Variants in GALNT13 observed in about 807,000 individuals in gnomAD.
GALNT13 encodes the protein polypeptide N-acetylgalactosaminyltransferase 13, also known as UDP-GalNAc:polypeptide N-acetylgalactosaminyltransferase 13.
Under a neutral mutation model 64.2 loss-of-function variants are expected in GALNT13, and 28 were observed. That is an observed-to-expected ratio of 0.44 (90% confidence interval 0.32 to 0.60). The LOEUF is 0.60. GALNT13 is among the 20% of genes least tolerant of loss of function. The probability of loss-of-function intolerance (pLI) is 0.05; values close to 1 mark genes in which losing one functional copy is unlikely to be tolerated. For synonymous variants in GALNT13, 214 were observed against 224.6 expected (o/e 0.95, Z 0.42); for missense variants, 577 against 669.8 (o/e 0.86, Z 1.53).
the GALNT13 span, among the ~76,000 whole-genome samples, chr2:153,493,935 T>C: frequency 6.6e-6 from 1 of 152,124 alleles, no homozygotes; most frequent in East Asian, 1.9e-4. Context: ...TGAGGTATAA[T>C]TGGCTTACAG....
intron 9 of GALNT13, among the ~76,000 whole-genome samples, chr2:154,312,179 G>A (rs1405146020): frequency 7.0e-6 from 1 of 141,944 alleles, no homozygotes; most frequent in Non-Finnish European, 1.5e-5. Context: ...TTTAGAGATT[G>A]CAGTAAAGAC....
chr2:153,150,080 A>T, the GALNT13 span, among the ~76,000 whole-genome samples: 1 of 151,798 alleles, frequency 6.6e-6, no homozygotes, highest in East Asian at 1.9e-4. Flanking sequence ...TCTAATCAGC[A>T]TGTCTATGGA....
chr2:153,301,687 C>T, the GALNT13 span, among the ~76,000 whole-genome samples: 1 of 152,112 alleles, frequency 6.6e-6, no homozygotes, highest in Non-Finnish European at 1.5e-5. Flanking sequence ...GTACCAAGAT[C>T]TCTTCACCAC....
At position 154,234,993 on chromosome 2, in the gene GALNT13, G is replaced by A. The variant is rs1481855943; in HGVS notation, c.312-7037G>A. 2.0e-5 allele frequency among the ~76,000 whole-genome samples: 3 copies of A among 152,108 alleles called. No homozygotes were observed. In the East Asian group the frequency reaches 5.8e-4, roughly 29 times the overall value. ...GGCCGTATATTCTAATATGGGATTA[G>A]GGAAAAGTAGAGAAATTCCTTGGCT... is the stretch of plus-strand genomic sequence containing the variant. On this transcript the variant is annotated intron_variant, in intron 4 of 12. Transcript: ENST00000392825.
At chr2:153,697,374 G>C in the GALNT13 span, among the ~76,000 whole-genome samples, 2 of 152,140 alleles carry the variant, frequency 1.3e-5, no homozygotes, top group Admixed American at 6.5e-5. Context: ...CCAGATAAGA[G>C]AGAGATAAGA....
At chr2:154,262,016 C>A (rs939966124) in intron 8 of GALNT13, among the ~76,000 whole-genome samples, 1 of 152,064 alleles carries the variant, frequency 6.6e-6, no homozygotes, top group African/African-American at 2.4e-5. Context: ...ATCACTTGAT[C>A]GCTGTACTTA....
chr2:154,401,078 A>G lies in GALNT13; in HGVS notation c.1296+4948A>G, dbSNP rs533039308. The stretch of plus-strand genomic sequence containing the variant: ...AAGATGTTTCGACATTAGCATATGC[A>G]TTTTGTATTGTGTACTTAACCTCGG... On this transcript the variant is annotated intron_variant, in intron 10 of 12. Transcript: ENST00000392825. 6.6e-5 allele frequency among the ~76,000 whole-genome samples: 10 copies of G among 152,290 alleles called. No individual in the cohort carries two copies. The South Asian group carries it at 2.1e-3, about 32-fold the overall frequency.
At chr2:154,068,825 C>T (rs1378085972) in intron 3 of GALNT13, among the ~76,000 whole-genome samples, 2 of 151,910 alleles carry the variant, frequency 1.3e-5, no homozygotes, top group Non-Finnish European at 2.9e-5. Flanking sequence ...AACAGGGTGA[C>T]TACAGTCAAC....
intron 8 of GALNT13, among the ~76,000 whole-genome samples, chr2:154,264,651 A>G (rs894579194): frequency 2.6e-5 from 4 of 151,948 alleles, no homozygotes; most frequent in African/African-American, 9.7e-5. Context: ...AAACAAACAA[A>G]CAAAACCCAC....
the GALNT13 span, among the ~76,000 whole-genome samples, chr2:153,505,723 C>T: frequency 2.6e-5 from 4 of 151,942 alleles, no homozygotes; most frequent in Admixed American, 1.3e-4. Context: ...TGAGAGAGTA[C>T]TTGATATCAT....
chr2:153,410,880 G>T, the GALNT13 span, among the ~76,000 whole-genome samples: 27 of 151,780 alleles, frequency 1.8e-4, 1 homozygote, highest in Middle Eastern at 6.8e-3. Flanking sequence ...TATTTAGAGA[G>T]AGAGAGAGAG....
In GALNT13 at chr2:154,453,769, C is replaced by G. The variant is rs1459870767; in HGVS notation, c.*3218C>G. 6 of 151,992 alleles carry G rather than the reference C, an allele frequency of 3.9e-5. No individual in the cohort carries two copies. The East Asian group carries it at 1.2e-3, about 29-fold the overall frequency. The allele number at this position is 151,992 out of a possible 1,614,324, so 9.4% of individuals were successfully genotyped here. A position where few individuals can be genotyped will look rare whatever the true frequency, so the allele number is the denominator to read the frequency against. ...AACTGAAAAATGTGTGTTAAAGTTG[C>G]TAAGTGTAACTGTATCATACTTTTT... On this transcript the variant is annotated 3_prime_UTR_variant, in exon 13 of 13. Transcript: ENST00000392825.
At chr2:153,246,369 A>G in the GALNT13 span, among the ~76,000 whole-genome samples, 1 of 152,134 alleles carries the variant, frequency 6.6e-6, no homozygotes, top group East Asian at 1.9e-4. Flanking sequence ...AGGGTGAAAC[A>G]AACGAAAAAC....
At chr2:154,324,237 G>T (rs2105171814) in intron 9 of GALNT13, among the ~76,000 whole-genome samples, 1 of 151,128 alleles carries the variant, frequency 6.6e-6, no homozygotes, top group East Asian at 2.0e-4. Flanking sequence ...TATTTTTAGG[G>T]TTTTTAAATT....
the GALNT13 span, among the ~76,000 whole-genome samples, chr2:153,622,593 T>C: frequency 6.6e-6 from 1 of 152,154 alleles, no homozygotes; most frequent in African/African-American, 2.4e-5. Context: ...GATATGGAAA[T>C]GGGCATTTCA....
rs185549247 is a variant in GALNT13 at position 154,105,035 on chromosome 2, A to C, written c.143-35302A>C. ...AATTTGGTACTCAGTAGGCTGTTGC[A>C]GGGTGAAGGGGCCAAAGAATTACTT... On this transcript the variant is annotated intron_variant, in intron 3 of 12. Coordinates refer to ENST00000392825, the MANE Select transcript of GALNT13 (RefSeq NM_052917.4). Among the ~76,000 whole-genome samples the C allele has an allele frequency of 7.8e-4, 119 of 152,282 alleles. 1 individual carries two copies. Among genetic ancestry groups the C allele is most frequent in the Middle Eastern group, 3.4e-3 (1 of 294 alleles).
chr2:153,464,827 CA>C, the GALNT13 span, among the ~76,000 whole-genome samples: 1 of 151,848 alleles, frequency 6.6e-6, no homozygotes, highest in African/African-American at 2.4e-5. Context: ...GATATTTAAC[CA>C]ATGCAAGTGT....
At chr2:153,499,309 C>T in the GALNT13 span, among the ~76,000 whole-genome samples, 452 of 152,222 alleles carry the variant, frequency 3.0e-3, 16 homozygotes, top group East Asian at 0.082. Context: ...AAAGTTTGTT[C>T]GAGTCTGGCT....
chr2:153,941,176 A>G (rs1159266477), intron 2 of GALNT13, among the ~76,000 whole-genome samples: 1 of 152,034 alleles, frequency 6.6e-6, no homozygotes, highest in Non-Finnish European at 1.5e-5. Context: ...TTGTATTTTT[A>G]GTAGTTACAA....
Sources: allele counts gnomAD v4.1 joint callset (sites outside exome capture counted in the v4.1 genomes callset), GRCh38; gene constraint gnomAD v4.1.1; transcripts MANE v1.5; gene names NCBI Gene and HGNC (gene_info 2026-07-23, HGNC 2026-07-21).